Variants in KIAA1217 observed in about 807,000 individuals in gnomAD.
KIAA1217 encodes KIAA1217, also known as sickle tail protein homolog.
Under a neutral mutation model 163.9 loss-of-function variants are expected in KIAA1217, and 88 were observed. That is an observed-to-expected ratio of 0.54 (90% CI 0.45 to 0.64). The LOEUF is 0.64. Ranked by LOEUF, KIAA1217 falls within the 30% of genes least tolerant of loss-of-function variation. The pLI is 0.00. For missense variants in KIAA1217, 2,372 were observed against 2,475.0 expected, an observed-to-expected ratio of 0.96 and a Z score of 0.88; for synonymous variants, 903 against 923.1, an observed-to-expected ratio of 0.98 and a Z score of 0.39.
chr10:23,895,446 C>T (rs1216645721), intron 1 of KIAA1217, among the ~76,000 whole-genome samples: 1 of 152,088 alleles, frequency 6.6e-6, no homozygotes, highest in East Asian at 1.9e-4. Context: ...CAATGAGATA[C>T]CATCTCACAC....
chr10:24,324,223 A>G (rs1046201277), intron 2 of KIAA1217, among the ~76,000 whole-genome samples: 3 of 151,832 alleles, frequency 2.0e-5, no homozygotes, highest in African/African-American at 7.3e-5. Flanking sequence ...AGCCGTGATC[A>G]CACCACTGCA....
intron 2 of KIAA1217, among the ~76,000 whole-genome samples, chr10:24,126,094 G>T (rs1289507736): frequency 6.6e-6 from 1 of 151,968 alleles, no homozygotes; most frequent in Non-Finnish European, 1.5e-5. Context: ...GTAATGTATA[G>T]GCATATATCA....
intron 2 of KIAA1217, among the ~76,000 whole-genome samples, chr10:24,167,780 C>G (rs2065427663): frequency 6.6e-6 from 1 of 152,110 alleles, no homozygotes; most frequent in Admixed American, 6.5e-5. Context: ...TAATGGTATG[C>G]CACAGAGAAA....
chr10:24,541,795 T>C (rs2075133402), intron 17 of KIAA1217, among the ~76,000 whole-genome samples: 3 of 152,200 alleles, frequency 2.0e-5, no homozygotes, highest in Admixed American at 6.5e-5. Context: ...GTATCTTCAG[T>C]CTACACTGGA....
chr10:24,183,265 G>A (rs1266819405), intron 2 of KIAA1217, among the ~76,000 whole-genome samples: 1 of 152,098 alleles, frequency 6.6e-6, no homozygotes, highest in Non-Finnish European at 1.5e-5. Flanking sequence ...AAATTACCCA[G>A]TTTCAGGTAC....
chr10:24,006,327 T>C (rs1472805610), intron 1 of KIAA1217, among the ~76,000 whole-genome samples: 2 of 152,220 alleles, frequency 1.3e-5, no homozygotes, highest in African/African-American at 4.8e-5. Context: ...TTCAATTACC[T>C]TTTTCCATAC....
chr10:24,488,505 C>T (rs2065692522), intron 6 of KIAA1217, among the ~76,000 whole-genome samples: 1 of 152,216 alleles, frequency 6.6e-6, no homozygotes, highest in Non-Finnish European at 1.5e-5. Flanking sequence ...CTGCCCACTA[C>T]ACCAGTGTCT....
At chr10:23,959,562 AAC>A (rs1305046879) in intron 1 of KIAA1217, among the ~76,000 whole-genome samples, 3 of 152,160 alleles carry the variant, frequency 2.0e-5, no homozygotes, top group Non-Finnish European at 2.9e-5. Context: ...ATAAGAGAAA[AAC>A]ACACACATTT....
intron 1 of KIAA1217, among the ~76,000 whole-genome samples, chr10:23,898,034 A>G (rs1841781529): frequency 1.3e-5 from 2 of 151,994 alleles, no homozygotes; most frequent in African/African-American, 4.8e-5. Flanking sequence ...AGAAAGTGCC[A>G]GAGCATCTGT....
intron 1 of KIAA1217, among the ~76,000 whole-genome samples, chr10:23,765,872 T>C (rs903275488): frequency 3.3e-5 from 5 of 152,208 alleles, no homozygotes; most frequent in Non-Finnish European, 7.3e-5. Context: ...AGTGTGAAAG[T>C]GGACTAATAC....
At chr10:23,780,075 G>A (rs778957700) in intron 1 of KIAA1217, among the ~76,000 whole-genome samples, 1 of 152,072 alleles carries the variant, frequency 6.6e-6, no homozygotes, top group Non-Finnish European at 1.5e-5. Flanking sequence ...CTGTAGCCCC[G>A]GCATTAAGGA....
At chr10:24,080,112 T>C (rs2061492101) in intron 2 of KIAA1217, among the ~76,000 whole-genome samples, 1 of 152,238 alleles carries the variant, frequency 6.6e-6, no homozygotes, top group Non-Finnish European at 1.5e-5. Flanking sequence ...TTCTTCTATT[T>C]AAACCAGTGT....
chr10:24,176,905 C>T lies in KIAA1217; in HGVS notation c.-170-42721C>T, dbSNP rs536491082. ...AGCTGAGGCCTGGCAAGAATTTGAA[C>T]GCAGCACAGGTGGGCTGGCAGTGCT... On this transcript the variant is annotated intron_variant, in intron 2 of 18. Transcript: ENST00000376462. Among the ~76,000 whole-genome samples, 170 of 152,268 alleles carry T rather than the reference C, an allele frequency of 1.1e-3. 1 individual carries two copies. The highest frequency in any genetic ancestry group is 3.8e-3 in the African/African-American group (156 of 41,564).
intron 1 of KIAA1217, among the ~76,000 whole-genome samples, chr10:23,767,866 C>T (rs988925681): frequency 2.6e-5 from 4 of 152,160 alleles, no homozygotes; most frequent in African/African-American, 9.7e-5. Context: ...AAACCCAGAG[C>T]GTAGGGTGTA....
At chr10:24,531,771 G>C in intron 14 of KIAA1217, 59 bp from the exon 15 acceptor site, 1 of 1,473,176 alleles carries the variant, frequency 6.8e-7, no homozygotes, top group Non-Finnish European at 9.1e-7. Flanking sequence ...CAATATACCA[G>C]ACTTTCTGGA....
At chr10:23,923,755 G>A (rs1334821147) in intron 1 of KIAA1217, among the ~76,000 whole-genome samples, 2 of 152,206 alleles carry the variant, frequency 1.3e-5, no homozygotes, top group Non-Finnish European at 2.9e-5. Flanking sequence ...ACTGACTTCA[G>A]ACGTCTGACC....
At chr10:24,450,071 C>T (rs1168389329) in intron 5 of KIAA1217, among the ~76,000 whole-genome samples, 1 of 152,134 alleles carries the variant, frequency 6.6e-6, no homozygotes, top group Non-Finnish European at 1.5e-5. Flanking sequence ...ACACAGTTTG[C>T]TTTTACAGGT....
At chr10:24,063,409 T>C (rs1022464894) in intron 2 of KIAA1217, among the ~76,000 whole-genome samples, 2 of 152,236 alleles carry the variant, frequency 1.3e-5, no homozygotes, top group Non-Finnish European at 2.9e-5. Flanking sequence ...CCTTTCCCCA[T>C]TTCTTCTTTT....
At chr10:23,868,331 A>T (rs1221152199) in intron 1 of KIAA1217, among the ~76,000 whole-genome samples, 1 of 152,150 alleles carries the variant, frequency 6.6e-6, no homozygotes, top group Non-Finnish European at 1.5e-5. Context: ...CAGACCAGCA[A>T]ATAGGCTGAG....
Sources: allele counts gnomAD v4.1 joint callset (sites outside exome capture counted in the v4.1 genomes callset), GRCh38; gene constraint gnomAD v4.1.1; transcripts MANE v1.5; gene names NCBI Gene and HGNC (gene_info 2026-07-23, HGNC 2026-07-21).